WDR41: variants seen among roughly 807,000 people sequenced by gnomAD.
WDR41 encodes the protein WD repeat-containing protein 41.
In WDR41, 63 loss-of-function variants were observed where a neutral mutation model predicts 69.3. That is an observed-to-expected ratio of 0.91 (90% CI 0.74 to 1.12). WDR41 has a LOEUF of 1.12. WDR41 is among the 50% of genes most tolerant of loss of function. WDR41 has a pLI of 0.00. For synonymous variants in WDR41, 185 were observed against 192.1 expected (o/e 0.96, Z 0.31); for missense variants, 543 against 534.5 (o/e 1.02, Z -0.16).
chr5:77,509,503 A>G (rs1358375254), intron 1 of WDR41, among the ~76,000 whole-genome samples: 1 of 152,266 alleles, frequency 6.6e-6, no homozygotes, highest in Non-Finnish European at 1.5e-5. Flanking sequence ...ACCATACAGT[A>G]GAATATTATG....
intron 2 of WDR41, among the ~76,000 whole-genome samples, chr5:77,481,527 C>T (rs1471451205): frequency 1.3e-5 from 2 of 152,208 alleles, no homozygotes; most frequent in African/African-American, 4.8e-5. Flanking sequence ...TAGCTCACAC[C>T]TGTAATCCCA....
At chr5:77,472,681 G>T (rs1430012795) in intron 2 of WDR41, among the ~76,000 whole-genome samples, 1 of 151,952 alleles carries the variant, frequency 6.6e-6, no homozygotes, top group East Asian at 1.9e-4. Context: ...TTGCTTCAAA[G>T]AGAATAAAAT....
intron 1 of WDR41, among the ~76,000 whole-genome samples, chr5:77,497,780 C>A (rs1057498359): frequency 6.6e-6 from 1 of 152,130 alleles, no homozygotes; most frequent in African/African-American, 2.4e-5. Context: ...AAGGACTCAA[C>A]AGATATTTGG....
At chr5:77,442,674 C>T (rs1222589811) in intron 8 of WDR41, among the ~76,000 whole-genome samples, 6 of 151,944 alleles carry the variant, frequency 3.9e-5, no homozygotes, top group East Asian at 3.9e-4. Context: ...AGGTGGATCA[C>T]GAGGTCTGGA....
intron 1 of WDR41, among the ~76,000 whole-genome samples, chr5:77,544,236 C>T (rs140279939): frequency 2.0e-5 from 3 of 151,922 alleles, no homozygotes; most frequent in African/African-American, 7.2e-5. Flanking sequence ...AACAAAAACA[C>T]AATTTAAAAA....
intron 1 of WDR41, among the ~76,000 whole-genome samples, chr5:77,508,720 C>T (rs1167456792): frequency 6.6e-6 from 1 of 152,088 alleles, no homozygotes; most frequent in Non-Finnish European, 1.5e-5. Context: ...TATTTCCTCC[C>T]TTCTCTGGAG....
intron 2 of WDR41, 84 bp from the exon 3 acceptor site, chr5:77,464,893 G>A (rs1405435598): frequency 1.5e-6 from 2 of 1,366,112 alleles, no homozygotes; most frequent in East Asian, 2.3e-5. Flanking sequence ...CCTTATTAGT[G>A]GTATTTTGAC....
chr5:77,483,296 C>A (rs1801364636), intron 2 of WDR41, among the ~76,000 whole-genome samples: 1 of 152,014 alleles, frequency 6.6e-6, no homozygotes, highest in South Asian at 2.1e-4. Context: ...CACCACCACA[C>A]CCAGCTAATT....
intron 3 of WDR41, 50 bp from the exon 4 acceptor site, chr5:77,463,276 A>C: frequency 6.5e-7 from 1 of 1,540,990 alleles, no homozygotes; most frequent in Non-Finnish European, 8.8e-7. Flanking sequence ...CAATTTAGAT[A>C]ATCATAAATG....
At chr5:77,560,075 AGATT>A (rs1261029386) in intron 1 of WDR41, among the ~76,000 whole-genome samples, 1 of 152,208 alleles carries the variant, frequency 6.6e-6, no homozygotes, top group Non-Finnish European at 1.5e-5. Flanking sequence ...TAAAATTTTA[AGATT>A]GATTGAAAGG....
chr5:77,447,021 C>A (rs1293644250), intron 8 of WDR41, among the ~76,000 whole-genome samples: 1 of 152,018 alleles, frequency 6.6e-6, no homozygotes, highest in Non-Finnish European at 1.5e-5. Flanking sequence ...TGCAATCTAC[C>A]CATCTGACAA....
In WDR41 at chr5:77,492,158, C is replaced by A; in HGVS notation, c.51+12G>T. On this transcript the variant is annotated intron_variant, in intron 1 of 12. Coordinates refer to ENST00000296679, the MANE Select transcript of WDR41 (RefSeq NM_018268.4). ...GCTCGACGGACGCAGAGCAGACCCA[C>A]CCGGGGTTTACCTCGGCCAGTCCCT... 6.2e-7 allele frequency: 1 copy of A among 1,611,692 alleles called. No homozygotes were observed. Among genetic ancestry groups the A allele is most frequent in the Non-Finnish European group, 8.5e-7 (1 of 1,179,136 alleles).
At chr5:77,464,871 AGAACTATCAAACC>A in intron 2 of WDR41, 62 bp from the exon 3 acceptor site, 1 of 1,526,504 alleles carries the variant, frequency 6.6e-7, no homozygotes, top group Non-Finnish European at 9.1e-7. Flanking sequence ...ACTAAGATTA[AGAACTATCAAACC>A]TTATTAGTGG....
chr5:77,435,053 G>C (rs568291927), intron 12 of WDR41, among the ~76,000 whole-genome samples: 1 of 152,204 alleles, frequency 6.6e-6, no homozygotes, highest in South Asian at 2.1e-4. Context: ...GGAACCCAGC[G>C]CTCCGGCCTA....
intron 1 of WDR41, among the ~76,000 whole-genome samples, chr5:77,500,552 C>G (rs1426415067): frequency 6.6e-6 from 1 of 152,140 alleles, no homozygotes; most frequent in Non-Finnish European, 1.5e-5. Context: ...TTATAAATAA[C>G]CCTACACACA....
At chr5:77,582,014 AT>A (rs1482453771) in intron 1 of WDR41, among the ~76,000 whole-genome samples, 1 of 140,192 alleles carries the variant, frequency 7.1e-6, no homozygotes, top group Non-Finnish European at 1.6e-5. Flanking sequence ...AAATGAAACA[AT>A]TTTTTTAATT....
chr5:77,526,828 A>G (rs2112200348), intron 1 of WDR41, among the ~76,000 whole-genome samples: 1 of 152,172 alleles, frequency 6.6e-6, no homozygotes, highest in East Asian at 1.9e-4. Context: ...ATAAATCTAG[A>G]TATTTTCTTG....
chr5:77,508,427 G>T (rs776395285), intron 1 of WDR41, among the ~76,000 whole-genome samples: 1 of 152,146 alleles, frequency 6.6e-6, no homozygotes, highest in African/African-American at 2.4e-5. Context: ...TTATAAAAAC[G>T]TCTGTGTTTT....
intron 1 of WDR41, among the ~76,000 whole-genome samples, chr5:77,602,453 A>C (rs1348551590): frequency 6.6e-6 from 1 of 151,980 alleles, no homozygotes. Context: ...TCTACTCTTT[A>C]TGTCCATGAG....
Sources: allele counts gnomAD v4.1 joint callset (sites outside exome capture counted in the v4.1 genomes callset), GRCh38; gene constraint gnomAD v4.1.1; transcripts MANE v1.5; gene names NCBI Gene and HGNC (gene_info 2026-07-23, HGNC 2026-07-21).